The following FGF2 variants were observed in gnomAD, a reference collection of about 807,000 sequenced individuals.
The protein encoded by FGF2 is fibroblast growth factor 2.
In FGF2, 13 loss-of-function variants were observed where a neutral mutation model predicts 15.9. The observed-to-expected ratio is 0.82, with a 90% confidence interval of 0.53 to 1.30. The LOEUF (loss-of-function observed/expected upper bound fraction) is 1.30, where lower values mean the gene tolerates loss of function less well. Ranked by LOEUF, FGF2 falls within the 50% of genes most tolerant of loss-of-function variation. The pLI is 0.00. For missense variants in FGF2, 163 were observed against 196.9 expected (o/e 0.83, Z 1.03); for synonymous variants, 90 against 78.4 (o/e 1.15, Z -0.78).
At chr4:122,872,197 A>G (rs1726755203) in intron 1 of FGF2, among the ~76,000 whole-genome samples, 1 of 152,172 alleles carries the variant, frequency 6.6e-6, no homozygotes, top group African/African-American at 2.4e-5. Context: ...GATGGAGCTG[A>G]AAAACACAGC....
At position 122,827,157 on chromosome 4, in the gene FGF2, C is replaced by G. The variant is rs746202230; in HGVS notation, c.-18C>G. The G allele has an allele frequency of 2.1e-6, 3 of 1,429,060 alleles. No homozygotes were observed. Among genetic ancestry groups the G allele is most frequent in the Non-Finnish European group, 9.2e-7 (1 of 1,087,722 alleles). The allele number at this position is 1,429,060 out of a possible 1,614,324, so 88.5% of individuals were successfully genotyped here. On this transcript the variant is annotated 5_prime_UTR_variant, in exon 1 of 3. Coordinates refer to ENST00000644866, the MANE Select transcript of FGF2 (RefSeq NM_001361665.2). This position sits in a 1 kb window ranked among gnomAD's most constrained non-coding sequence, Gnocchi z 4.2. ...GGCTCCAGCGGCTCGGGGATCCCGGCCGGGCCCCGCAGGGACCATGGCAGC... is the reference window on the plus strand; with the variant it reads ...GGCTCCAGCGGCTCGGGGATCCCGGGCGGGCCCCGCAGGGACCATGGCAGC...
At chr4:122,885,427 A>G (rs1007272845) in intron 2 of FGF2, among the ~76,000 whole-genome samples, 1 of 152,218 alleles carries the variant, frequency 6.6e-6, no homozygotes, top group African/African-American at 2.4e-5. Flanking sequence ...GAGCACAGGA[A>G]TGCATGAGGT....
intron 1 of FGF2, among the ~76,000 whole-genome samples, chr4:122,859,272 T>C (rs1298777490): frequency 1.3e-5 from 2 of 152,154 alleles, no homozygotes; most frequent in East Asian, 3.9e-4. Flanking sequence ...CCTAGAATAG[T>C]TTCCTGACAC....
chr4:122,830,147 G>T (rs190668241), intron 1 of FGF2, among the ~76,000 whole-genome samples: 21 of 152,248 alleles, frequency 1.4e-4, no homozygotes, highest in African/African-American at 4.3e-4. Flanking sequence ...ACTTTTGAAA[G>T]GCCAAGTTCA....
chr4:122,862,724 G>A (rs1015098554), intron 1 of FGF2, among the ~76,000 whole-genome samples: 1 of 152,154 alleles, frequency 6.6e-6, no homozygotes, highest in Admixed American at 6.5e-5. Flanking sequence ...CTAAGATTTT[G>A]CTTTATGATG....
chr4:122,884,239 A>G (rs952061791), intron 2 of FGF2: 4 of 152,276 alleles, frequency 2.6e-5, no homozygotes, highest in African/African-American at 7.2e-5. Context: ...CATGCCTGTA[A>G]TCCCAGCACT....
intron 1 of FGF2, among the ~76,000 whole-genome samples, chr4:122,870,634 T>C (rs1726711693): frequency 6.6e-6 from 1 of 152,226 alleles, no homozygotes; most frequent in South Asian, 2.1e-4. Context: ...TTGTATTCTC[T>C]GATGATAGTT....
At chr4:122,891,030 T>TG (rs1560760157) in intron 2 of FGF2, among the ~76,000 whole-genome samples, 8 of 135,296 alleles carry the variant, frequency 5.9e-5, no homozygotes, top group South Asian at 2.9e-4. Flanking sequence ...TCTTTTTTTT[T>TG]TTTTTGTTTT....
chr4:122,871,588 C>T (rs182544735), intron 1 of FGF2, among the ~76,000 whole-genome samples: 2 of 152,008 alleles, frequency 1.3e-5, no homozygotes, highest in East Asian at 3.9e-4. Context: ...TATGCAGGAG[C>T]GATCCTACTG....
intron 1 of FGF2, among the ~76,000 whole-genome samples, chr4:122,850,371 C>T (rs529156268): frequency 3.9e-5 from 6 of 152,248 alleles, no homozygotes; most frequent in African/African-American, 1.4e-4. Flanking sequence ...AGACTCCTTT[C>T]TCTGCCTGAG....
chr4:122,864,959 A>T (rs10000779), intron 1 of FGF2, among the ~76,000 whole-genome samples: 2 of 152,106 alleles, frequency 1.3e-5, no homozygotes, highest in African/African-American at 4.8e-5. Flanking sequence ...TTTAAATATC[A>T]CAATGCATGT....
At chr4:122,892,117 C>G in intron 2 of FGF2, 94 bp from the exon 3 acceptor site, 1 of 1,106,238 alleles carries the variant, frequency 9.0e-7, no homozygotes, top group South Asian at 1.4e-5. Context: ...GCTGGTTGAG[C>G]AGAATAGGCA....
chr4:122,876,395 A>C lies in FGF2; in HGVS notation c.253A>C (p.Met85Leu), dbSNP rs771501454. The C allele has an allele frequency of 6.2e-7, 1 of 1,611,402 alleles. No homozygotes were observed. Among genetic ancestry groups the C allele is most frequent in the South Asian group, 1.1e-5 (1 of 91,028 alleles). Residue 85 changes from methionine to leucine, a missense_variant, in exon 2 of 3, where the codon ATG becomes CTG. Met to Leu is a conservative substitution (Grantham distance 15). Transcript: ENST00000644866. ...AGTGTGTGCTAACCGTTACCTGGCT[A>C]TGAAGGAAGATGGAAGATTACTGGC... ...KGVCANRYLA[M>L]KEDGRLLASK... is the part of the protein sequence containing the mutation.
chr4:122,892,884 T>G lies in FGF2; in HGVS notation c.*488T>G. On this transcript the variant is annotated 3_prime_UTR_variant, in exon 3 of 3. Transcript: ENST00000644866. The stretch of plus-strand genomic sequence containing the variant: ...TCTGGCAGTTCCTTATGATAGAGTT[T>G]ATAAAACAGTCCTGTGTAAACTGCT... The G allele has an allele frequency of 6.2e-7, 1 of 1,613,580 alleles. No individual in the cohort carries two copies.
intron 1 of FGF2, among the ~76,000 whole-genome samples, chr4:122,843,311 T>A (rs1726036316): frequency 1.3e-5 from 2 of 152,212 alleles, no homozygotes; most frequent in South Asian, 4.1e-4. Context: ...AGGTCTGGCA[T>A]GTTTTGGGAA....
At chr4:122,831,585 G>C (rs114511702) in intron 1 of FGF2, among the ~76,000 whole-genome samples, 4,020 of 152,272 alleles carry the variant, frequency 0.026, 86 homozygotes, top group African/African-American at 0.058. Flanking sequence ...AATGAAGTCA[G>C]AATCTAATAG....
At position 122,851,128 on chromosome 4, in the gene FGF2, T is replaced by C. The variant is rs547232385; in HGVS notation, c.178+23776T>C. On this transcript the variant is annotated intron_variant, in intron 1 of 2. Coordinates refer to ENST00000644866, the MANE Select transcript of FGF2 (RefSeq NM_001361665.2). ...TATTATTTCAACCTGCTATGTCTTG[T>C]TGGATGGCAAATGAAGAGATAACAG... is the stretch of plus-strand genomic sequence containing the variant. 8.5e-4 allele frequency among the ~76,000 whole-genome samples: 129 copies of C among 152,266 alleles called. 1 individual carries two copies. The highest frequency in any genetic ancestry group is 3.0e-3 in the African/African-American group (126 of 41,540).
At chr4:122,862,349 C>A (rs1726489083) in intron 1 of FGF2, among the ~76,000 whole-genome samples, 1 of 152,104 alleles carries the variant, frequency 6.6e-6, no homozygotes, top group Non-Finnish European at 1.5e-5. Context: ...TTGTATGATT[C>A]TAAGATTCAT....
chr4:122,850,280 A>G (rs932028990), intron 1 of FGF2, among the ~76,000 whole-genome samples: 1 of 152,132 alleles, frequency 6.6e-6, no homozygotes, highest in East Asian at 1.9e-4. Flanking sequence ...AAAGAAAAAA[A>G]AAAGATACAG....
Sources: allele counts gnomAD v4.1 joint callset (sites outside exome capture counted in the v4.1 genomes callset), GRCh38; gene constraint gnomAD v4.1.1; non-coding constraint Gnocchi (gnomAD v3.1); transcripts MANE v1.5; gene names NCBI Gene and HGNC (gene_info 2026-07-23, HGNC 2026-07-21).